The following DNMT1 variants were observed in gnomAD, a reference collection of about 807,000 sequenced individuals.
DNMT1 encodes DNA methyltransferase 1.
A neutral mutation model predicts 205.3 loss-of-function variants in DNMT1; 24 were observed. The ratio of observed to expected loss-of-function variants is 0.12; its 90% CI spans 0.08 to 0.16. The LOEUF is 0.16. Among genes scored for constraint, DNMT1 ranks in the 10% least tolerant of loss-of-function variants. The pLI is 1.00. For missense variants in DNMT1, 1,293 were observed against 2,177.7 expected, an observed-to-expected ratio of 0.59 and a Z score of 8.09; for synonymous variants, 817 against 839.8, an observed-to-expected ratio of 0.97 and a Z score of 0.47.
chr19:10,144,530 C>A (rs917087222), intron 28 of DNMT1: 20 of 173,664 alleles, frequency 1.2e-4, no homozygotes, highest in Middle Eastern at 2.8e-3. Flanking sequence ...CAGGCTCCTG[C>A]CTCCCGACTA....
Position 10,192,383 on chromosome 19 carries a change from C to T in DNMT1, c.80+2437G>A, listed in dbSNP as rs545223913. Among the ~76,000 whole-genome samples the T allele has an allele frequency of 1.7e-4, 26 of 152,172 alleles. No homozygotes were observed. In the South Asian group the frequency reaches 5.4e-3, roughly 32 times the overall value. Reference sequence around the variant, plus strand: ...CATTTAACCCAATACCAGCTGAAAACCCATGTCATTATTCCTAGACTATGG... The same window carrying T: ...CATTTAACCCAATACCAGCTGAAAATCCATGTCATTATTCCTAGACTATGG... On this transcript the variant is annotated intron_variant, in intron 1 of 40. Coordinates refer to ENST00000359526, the MANE Select transcript of DNMT1 (RefSeq NM_001130823.3).
Position 10,180,774 on chromosome 19 carries a change from T to C in DNMT1, c.225+4A>G, listed in dbSNP as rs1265807438. The C allele has an allele frequency of 5.6e-6, 9 of 1,613,680 alleles. No individual in the cohort carries two copies. The highest frequency in any genetic ancestry group is 6.8e-6 in the Non-Finnish European group (8 of 1,179,750). The stretch of plus-strand genomic sequence containing the variant: ...AGAGGCTAGGATGCTGAGAACTGAC[T>C]TACCTCGGATAATTCTTCTTTACGT... On this transcript the variant is annotated splice_donor_region_variant and intron_variant, in intron 3 of 40. Transcript: ENST00000359526.
In DNMT1 at chr19:10,149,444, G is replaced by A. The variant is rs1199061525; in HGVS notation, c.2586+9C>T. 9 of 1,614,102 alleles carry A rather than the reference G, an allele frequency of 5.6e-6. No individual in the cohort carries two copies. Among genetic ancestry groups the A allele is most frequent in the Non-Finnish European group, 7.6e-6 (9 of 1,180,018 alleles). The stretch of plus-strand genomic sequence containing the variant: ...AGGCAGGGGCTCACGAGGGACACCA[G>A]GCACTCACCTCCATGGCCCAGTTTT... On this transcript the variant is annotated intron_variant, in intron 26 of 40. Transcript: ENST00000359526.
At chr19:10,188,070 G>A (rs943660897) in intron 1 of DNMT1, among the ~76,000 whole-genome samples, 1 of 152,176 alleles carries the variant, frequency 6.6e-6, no homozygotes, top group Non-Finnish European at 1.5e-5. Flanking sequence ...AGAGCCCAGT[G>A]AGCTATAATT....
At chr19:10,149,100 G>T in intron 26 of DNMT1, 83 bp from the exon 27 acceptor site, 1 of 1,568,662 alleles carries the variant, frequency 6.4e-7, no homozygotes, top group Non-Finnish European at 8.7e-7. Flanking sequence ...GAGGCGGGTG[G>T]ATCACCTAAG....
chr19:10,144,016 T>C (rs1380028155), intron 28 of DNMT1, 29 bp from the exon 29 acceptor site: 1 of 1,610,470 alleles, frequency 6.2e-7, no homozygotes, highest in Non-Finnish European at 8.5e-7. Flanking sequence ...TTGACATCAA[T>C]GAACCTTCCA....
intron 1 of DNMT1, among the ~76,000 whole-genome samples, chr19:10,187,555 G>A (rs542544222): frequency 1.3e-5 from 2 of 151,884 alleles, no homozygotes; most frequent in East Asian, 1.9e-4. Context: ...GGGCAATACA[G>A]TGAGACCCTG....
At chr19:10,157,513 T>A (rs1418021771) in intron 17 of DNMT1, among the ~76,000 whole-genome samples, 1 of 152,164 alleles carries the variant, frequency 6.6e-6, no homozygotes, top group Non-Finnish European at 1.5e-5. Flanking sequence ...CTGGGTGTTC[T>A]GCTTACAAAC....
In DNMT1 at chr19:10,142,108, T is replaced by C. The variant is rs757791181; in HGVS notation, c.3229A>G (p.Thr1077Ala). 2 of 1,613,698 alleles carry C rather than the reference T, an allele frequency of 1.2e-6. No individual in the cohort carries two copies. The highest frequency in any genetic ancestry group is 8.5e-7 in the Non-Finnish European group (1 of 1,179,818). The change falls in exon 30 of 41, where the codon ACC becomes GCC. Residue 1077 changes from threonine to alanine, a missense_variant. This residue lies in a region of DNMT1 where 167 missense variants were observed against 258.1 expected (regional missense o/e 0.65). Coordinates refer to ENST00000359526, the MANE Select transcript of DNMT1 (RefSeq NM_001130823.3). ...GGCAGGTCCTCCCCATACTCCACGGTGCAGCGGCCCTGCACAGCCTTGAAG... is the reference window on the plus strand; with the variant it reads ...GGCAGGTCCTCCCCATACTCCACGGCGCAGCGGCCCTGCACAGCCTTGAAG... ...VDFKAVQGRC[T>A]VEYGEDLPEC...
chr19:10,175,727 T>C (rs548482823), intron 6 of DNMT1, 109 bp from the exon 7 acceptor site: 8 of 1,057,016 alleles, frequency 7.6e-6, no homozygotes, highest in Non-Finnish European at 1.2e-5. Flanking sequence ...TCAAGTTTAA[T>C]GTTTCTCTGA....
In DNMT1 at chr19:10,151,471, G is replaced by T; in HGVS notation, c.2192C>A (p.Pro731His). Residue 731 changes from proline to histidine, a missense_variant, in exon 24 of 41, where the codon CCC (proline) becomes CAC (histidine). This residue lies in a region of DNMT1 where 197 missense variants were observed against 353.6 expected (regional missense o/e 0.56). Coordinates refer to ENST00000359526, the MANE Select transcript of DNMT1 (RefSeq NM_001130823.3). The surrounding 1 kb of genome is among the most constrained non-coding windows in gnomAD (Gnocchi z 5.0). ...CTTCTTCCCCTGGTGCATTTTTTTG[G>T]GTGACGGCATCTCTGGGATGTTATC... ...VDDNIPEMPS[P>H]KKMHQGKKKK... The T allele has an allele frequency of 5.0e-6, 8 of 1,613,964 alleles. No individual in the cohort carries two copies. Among genetic ancestry groups the T allele is most frequent in the Non-Finnish European group, 6.8e-6 (8 of 1,179,988 alleles).
In DNMT1 at chr19:10,154,714, T is replaced by C; in HGVS notation, c.1704A>G (p.Arg568=). The change falls in exon 21 of 41, where the codon CGA becomes CGG. Residue 568 remains arginine, a synonymous_variant. Transcript: ENST00000359526. This position sits in a 1 kb window ranked among gnomAD's most constrained non-coding sequence, Gnocchi z 6.3. ...CCTGCTCCACCACAAACTGCGCGTG[T>C]CGCAGGAGGGAGTCCTCTGTGAAGC... ...LNRFTEDSLL[R]HAQFVVEQVE... The C allele has an allele frequency of 1.2e-6, 2 of 1,614,206 alleles. No individual in the cohort carries two copies. The highest frequency in any genetic ancestry group is 1.7e-6 in the Non-Finnish European group (2 of 1,180,032).
At chr19:10,152,610 A>T (rs2038371826) in intron 22 of DNMT1, among the ~76,000 whole-genome samples, 1 of 151,182 alleles carries the variant, frequency 6.6e-6, no homozygotes, top group South Asian at 2.1e-4. Context: ...GTTTTTTTTT[A>T]ATTAGCTGGG....
At chr19:10,136,948 C>T in intron 37 of DNMT1, 137 bp downstream of exon 37, 1 of 1,206,660 alleles carries the variant, frequency 8.3e-7, no homozygotes, top group Non-Finnish European at 1.2e-6. Flanking sequence ...TCAACATGGT[C>T]AGCAGCTACC....
Position 10,182,560 on chromosome 19 carries a change from T to C in DNMT1, c.81-483A>G, listed in dbSNP as rs117488816. ...ATATATACATATGTGTATATATATATACACACACACACAGCAGCTCTGTAA... is the reference window on the plus strand; with the variant it reads ...ATATATACATATGTGTATATATATACACACACACACACAGCAGCTCTGTAA... On this transcript the variant is annotated intron_variant, in intron 1 of 40. Coordinates refer to ENST00000359526, the MANE Select transcript of DNMT1 (RefSeq NM_001130823.3). 6.1e-3 allele frequency among the ~76,000 whole-genome samples: 907 copies of C among 148,772 alleles called. 19 individuals are homozygous for C. Among genetic ancestry groups the C allele is most frequent in the East Asian group, 0.035 (178 of 5,124 alleles).
chr19:10,169,426 G>A (rs55971927), intron 9 of DNMT1, among the ~76,000 whole-genome samples: 18,995 of 149,744 alleles, frequency 0.13, 1,790 homozygotes, highest in East Asian at 0.39. Context: ...GCGTGTTGGC[G>A]GGCGCCTGCA....
Position 10,175,652 on chromosome 19 carries a change from A to T in DNMT1, c.570-34T>A, listed in dbSNP as rs775470220. 2.2e-5 allele frequency: 35 copies of T among 1,610,752 alleles called. 1 individual carries two copies. In the East Asian group the frequency reaches 7.1e-4, roughly 33 times the overall value. On this transcript the variant is annotated intron_variant, in intron 6 of 40. Coordinates refer to ENST00000359526, the MANE Select transcript of DNMT1 (RefSeq NM_001130823.3). ...CACAGTGAGGCCAACCATTAGTGGAACAAGACCCTAGGCCTCCAGCTGGCC... is the reference window on the plus strand; with the variant it reads ...CACAGTGAGGCCAACCATTAGTGGATCAAGACCCTAGGCCTCCAGCTGGCC...
At chr19:10,190,531 G>A (rs1039539671) in intron 1 of DNMT1, among the ~76,000 whole-genome samples, 1 of 152,058 alleles carries the variant, frequency 6.6e-6, no homozygotes, top group Non-Finnish European at 1.5e-5. Context: ...GCGGGGCTGA[G>A]GCAGGCGAAT....
At chr19:10,134,992 A>T (rs1353778456) in intron 39 of DNMT1, among the ~76,000 whole-genome samples, 1 of 151,912 alleles carries the variant, frequency 6.6e-6, no homozygotes, top group Non-Finnish European at 1.5e-5. Flanking sequence ...CAGGCGGATC[A>T]CCTGAGGTCA....
Sources: gnomAD v4.1 joint callset for allele counts (sites outside exome capture counted in the v4.1 genomes callset) on GRCh38, gnomAD v4.1.1 for gene constraint, gnomAD v4.1.1 regional missense constraint, Gnocchi (gnomAD v3.1) non-coding constraint, MANE v1.5 for transcripts, NCBI Gene and HGNC (gene_info 2026-07-23, HGNC 2026-07-21) for gene names.